CHL1: variants seen among roughly 807,000 people sequenced by gnomAD.
The protein encoded by CHL1 is neural cell adhesion molecule L1-like protein.
Under a neutral mutation model 141.9 loss-of-function variants are expected in CHL1, and 96 were observed. That is an observed-to-expected ratio of 0.68 (90% CI 0.57 to 0.80). The LOEUF is 0.80. Among genes scored for constraint, CHL1 ranks in the 30% least tolerant of loss-of-function variants. The pLI, the probability that CHL1 is intolerant of heterozygous loss-of-function variation, is 0.00. For synonymous variants in CHL1, 613 were observed against 502.2 expected (o/e 1.22, Z -2.95); for missense variants, 1,820 against 1,457.2 (o/e 1.25, Z -4.05).
At chr3:329,110 C>G (rs568925523) in intron 5 of CHL1, among the ~76,000 whole-genome samples, 6 of 152,052 alleles carry the variant, frequency 3.9e-5, no homozygotes, top group African/African-American at 1.4e-4. Context: ...CTTATTTGCC[C>G]TATGTGCATG....
intron 1 of CHL1, among the ~76,000 whole-genome samples, chr3:237,183 G>T (rs561764672): frequency 1.3e-5 from 2 of 152,240 alleles, no homozygotes; most frequent in African/African-American, 4.8e-5. Flanking sequence ...GGATTATGGG[G>T]GTGGTTTCCC....
intron 1 of CHL1, among the ~76,000 whole-genome samples, chr3:207,555 G>T (rs1699543832): frequency 6.6e-6 from 1 of 152,154 alleles, no homozygotes. Flanking sequence ...TGAAAACACT[G>T]CCCACAAGGG....
intron 2 of CHL1, among the ~76,000 whole-genome samples, chr3:302,919 G>A (rs597146): frequency 0.24 from 37,098 of 152,002 alleles, 7,858 homozygotes; most frequent in African/African-American, 0.56. Flanking sequence ...TGATTTTTGT[G>A]TAAGGTGTAA....
rs149038095 is a variant in CHL1 at position 264,491 on chromosome 3, G to C, written c.-95+19799G>C. ...GAATTCGCCTCTTTAAGAAATAGCA[G>C]AGGACTGCCAAATTAACAAAATGCC... On this transcript the variant is annotated intron_variant, in intron 2 of 27. Coordinates refer to ENST00000256509, the MANE Select transcript of CHL1 (RefSeq NM_006614.4). Among the ~76,000 whole-genome samples the C allele has an allele frequency of 2.0e-4, 31 of 152,290 alleles. 1 individual carries two copies. In the East Asian group the frequency reaches 4.4e-3, roughly 22 times the overall value.
At chr3:343,187 T>A (rs1057509918) in intron 8 of CHL1, among the ~76,000 whole-genome samples, 156 bp downstream of exon 8, 4 of 152,184 alleles carry the variant, frequency 2.6e-5, no homozygotes, top group African/African-American at 9.6e-5. Context: ...CCATGCCCTC[T>A]TAAATATATG....
chr3:219,029 G>A (rs539216319), intron 1 of CHL1, among the ~76,000 whole-genome samples: 13 of 151,406 alleles, frequency 8.6e-5, no homozygotes, highest in South Asian at 8.4e-4. Flanking sequence ...GGCACCTGTA[G>A]TCCCAGCTAC....
intron 5 of CHL1, among the ~76,000 whole-genome samples, chr3:332,482 G>A (rs1053841587): frequency 6.6e-6 from 1 of 152,138 alleles, no homozygotes; most frequent in Non-Finnish European, 1.5e-5. Context: ...TGTAAAATGG[G>A]TAGTAAGTGA....
At chr3:320,773 C>G (rs1700501377) in intron 3 of CHL1, among the ~76,000 whole-genome samples, 1 of 151,964 alleles carries the variant, frequency 6.6e-6, no homozygotes. Flanking sequence ...ATGTATAGAT[C>G]TTGCAGATTT....
intron 9 of CHL1, among the ~76,000 whole-genome samples, chr3:346,495 G>A (rs376509307): frequency 6.6e-6 from 1 of 152,162 alleles, no homozygotes; most frequent in Admixed American, 6.5e-5. Flanking sequence ...TCCCACAAAT[G>A]CCTTCACTGA....
intron 1 of CHL1, among the ~76,000 whole-genome samples, chr3:211,048 G>T (rs1699863088): frequency 6.6e-6 from 1 of 152,150 alleles, no homozygotes; most frequent in Non-Finnish European, 1.5e-5. Flanking sequence ...CCATTTATCT[G>T]GGAAGTGACT....
At chr3:330,011 A>T (rs1338012473) in intron 5 of CHL1, among the ~76,000 whole-genome samples, 3 of 152,110 alleles carry the variant, frequency 2.0e-5, no homozygotes, top group Non-Finnish European at 4.4e-5. Context: ...CATATAGAAG[A>T]TTTAAAGAAT....
intron 2 of CHL1, among the ~76,000 whole-genome samples, chr3:306,869 T>C (rs1575018876): frequency 6.6e-6 from 1 of 152,200 alleles, no homozygotes; most frequent in South Asian, 2.1e-4. Context: ...ATAATTATGA[T>C]GACCATCCCT....
At chr3:368,865 G>T (rs2196038) in intron 15 of CHL1, among the ~76,000 whole-genome samples, 1 of 151,918 alleles carries the variant, frequency 6.6e-6, no homozygotes, top group Non-Finnish European at 1.5e-5. Context: ...TTTCCCCAGC[G>T]CTTCGATTTG....
chr3:278,326 A>T (rs1250552131), intron 2 of CHL1, among the ~76,000 whole-genome samples: 1 of 152,168 alleles, frequency 6.6e-6, no homozygotes, highest in Non-Finnish European at 1.5e-5. Flanking sequence ...ATCATTTACT[A>T]GTTGTTCCAG....
rs1709663666 is a variant in CHL1, at chr3:408,404, T to G, written c.*2693T>G. ...ATTCTCTTCCTGGTTCCAGCACTGATTTTGTACATAAACATTAGGCAGGTT... is the reference window on the plus strand; with the variant it reads ...ATTCTCTTCCTGGTTCCAGCACTGAGTTTGTACATAAACATTAGGCAGGTT... On this transcript the variant is annotated 3_prime_UTR_variant, in exon 28 of 28. Transcript: ENST00000256509. The G allele has an allele frequency of 6.7e-6, 1 of 149,622 alleles. No individual in the cohort carries two copies. The highest frequency in any genetic ancestry group is 2.4e-5 in the African/African-American group (1 of 41,280). The allele number at this position is 149,622 out of a possible 1,614,324, so 9.3% of individuals were successfully genotyped here.
intron 2 of CHL1, among the ~76,000 whole-genome samples, chr3:270,396 C>G (rs985394648): frequency 6.6e-6 from 1 of 152,142 alleles, no homozygotes; most frequent in African/African-American, 2.4e-5. Context: ...TTATTTCTAA[C>G]CAATCATAGG....
chr3:354,078 G>T (rs1005487639), intron 10 of CHL1, among the ~76,000 whole-genome samples: 2 of 151,988 alleles, frequency 1.3e-5, no homozygotes, highest in South Asian at 4.2e-4. Flanking sequence ...CACTGCTTTT[G>T]GGCTTCTCTC....
At chr3:320,848 G>C (rs145087698) in intron 3 of CHL1, among the ~76,000 whole-genome samples, 2 of 151,938 alleles carry the variant, frequency 1.3e-5, no homozygotes, top group Admixed American at 1.3e-4. Context: ...ATTTTTATCC[G>C]TATCATTCAG....
chr3:240,977 C>A, intron 1 of CHL1, among the ~76,000 whole-genome samples: 1 of 152,050 alleles, frequency 6.6e-6, no homozygotes, highest in East Asian at 1.9e-4. Flanking sequence ...TATACAAGTA[C>A]CATGCTGTTT....
Sources: allele counts gnomAD v4.1 joint callset (sites outside exome capture counted in the v4.1 genomes callset), GRCh38; gene constraint gnomAD v4.1.1; transcripts MANE v1.5; gene names NCBI Gene and HGNC (gene_info 2026-07-23, HGNC 2026-07-21).